Variants in ADAMTS9 observed in about 807,000 individuals in gnomAD.
The protein encoded by ADAMTS9 is ADAM metallopeptidase with thrombospondin type 1 motif 9.
ADAMTS9 carries 107 observed loss-of-function variants against 257.1 expected under a neutral mutation model. The observed-to-expected ratio is 0.42, with a 90% confidence interval of 0.36 to 0.49. The LOEUF is 0.49. Among genes scored for constraint, ADAMTS9 ranks in the 20% least tolerant of loss-of-function variants. ADAMTS9 has a pLI of 0.03. For synonymous variants in ADAMTS9, 982 were observed against 880.9 expected, an observed-to-expected ratio of 1.11 and a Z score of -2.03; for missense variants, 2,353 against 2,469.1, an observed-to-expected ratio of 0.95 and a Z score of 1.00.
intron 9 of ADAMTS9, chr3:64,650,025 G>A (rs1700892900): frequency 2.4e-6 from 1 of 418,134 alleles, no homozygotes. Context: ...TTACAACGTT[G>A]ATCACACTTC....
At position 64,568,305 on chromosome 3, in the gene ADAMTS9, C is replaced by T. The variant is rs561362188; in HGVS notation, c.4524+63G>A. The T allele has an allele frequency of 2.2e-5, 34 of 1,546,418 alleles. No homozygotes were observed. In the African/African-American group the frequency reaches 4.6e-4, roughly 21 times the overall value. The stretch of plus-strand genomic sequence containing the variant: ...CCGTGCATAGAAACACAAGTGAACA[C>T]ACTGGGGTCAGCCACGTGGCCAAAC... On this transcript the variant is annotated intron_variant, in intron 29 of 39. Coordinates refer to ENST00000498707, the MANE Select transcript of ADAMTS9 (RefSeq NM_182920.2).
At chr3:64,623,025 T>C (rs1700145070) in intron 16 of ADAMTS9, among the ~76,000 whole-genome samples, 1 of 152,216 alleles carries the variant, frequency 6.6e-6, no homozygotes. Context: ...GCCTGTTGAA[T>C]CTTTGTTAAG....
rs1701755915 is a variant in ADAMTS9 at position 64,681,494 on chromosome 3, C to A, written c.517-131G>T. The A allele has an allele frequency of 5.8e-6, 5 of 864,308 alleles. No homozygotes were observed. The South Asian group carries it at 8.2e-5, about 14-fold the overall frequency. 53.5% of individuals were successfully genotyped at this position (864,308 alleles called of 1,614,324 possible). On this transcript the variant is annotated intron_variant, in intron 2 of 39. Coordinates refer to ENST00000498707, the MANE Select transcript of ADAMTS9 (RefSeq NM_182920.2). Reference sequence around the variant, plus strand: ...CTCTTTTTCAGGAGGGTTGTTTCAACTGAAAATGCTGCAACATATGCGGAG... The same window carrying A: ...CTCTTTTTCAGGAGGGTTGTTTCAAATGAAAATGCTGCAACATATGCGGAG...
At chr3:64,663,642 C>A (rs184358306) in intron 3 of ADAMTS9, among the ~76,000 whole-genome samples, 41 of 152,114 alleles carry the variant, frequency 2.7e-4, no homozygotes, top group Admixed American at 2.4e-3. Context: ...CAATTTCTAC[C>A]AGCAAACAAC....
intron 13 of ADAMTS9, 41 bp downstream of exon 13, chr3:64,633,657 C>G: frequency 1.2e-5 from 19 of 1,613,762 alleles, no homozygotes; most frequent in Non-Finnish European, 1.4e-5. Context: ...GGCCTCAGTG[C>G]CGGCCGGCCA....
Position 64,605,895 on chromosome 3 carries a change from A to T in ADAMTS9, c.3474+1065T>A, listed in dbSNP as rs2084548815. On this transcript the variant is annotated intron_variant, in intron 23 of 39. Transcript: ENST00000498707. ...ATTTTGAAATAACAATAAAATATAC[A>T]ATTATATATTTTAAATTCCATACAG... 2.0e-5 allele frequency among the ~76,000 whole-genome samples: 3 copies of T among 152,352 alleles called. No homozygotes were observed. In the South Asian group the frequency reaches 6.2e-4, roughly 32 times the overall value.
At chr3:64,533,888 C>A (rs1019550064) in intron 37 of ADAMTS9, among the ~76,000 whole-genome samples, 5 of 152,208 alleles carry the variant, frequency 3.3e-5, no homozygotes, top group Non-Finnish European at 7.3e-5. Flanking sequence ...AAACCCCTCC[C>A]CTCCGAGGGT....
intron 37 of ADAMTS9, among the ~76,000 whole-genome samples, chr3:64,535,751 A>C (rs762021527): frequency 6.6e-6 from 1 of 151,648 alleles, no homozygotes; most frequent in Non-Finnish European, 1.5e-5. Flanking sequence ...GAGTTTCACC[A>C]TGTTGGCCAG....
At chr3:64,653,435 A>G (rs1700980843) in intron 8 of ADAMTS9, among the ~76,000 whole-genome samples, 1 of 152,202 alleles carries the variant, frequency 6.6e-6, no homozygotes, top group South Asian at 2.1e-4. Flanking sequence ...TTTGAAAGGT[A>G]CTAGTTTAAA....
chr3:64,651,914 C>T (rs143204201), intron 8 of ADAMTS9, among the ~76,000 whole-genome samples: 18 of 152,280 alleles, frequency 1.2e-4, no homozygotes, highest in African/African-American at 2.6e-4. Flanking sequence ...GGATTGCCAA[C>T]GTCCTTATGG....
At chr3:64,670,024 C>G (rs1701447826) in intron 3 of ADAMTS9, among the ~76,000 whole-genome samples, 1 of 152,176 alleles carries the variant, frequency 6.6e-6, no homozygotes, top group South Asian at 2.1e-4. Flanking sequence ...AGAATGGAAG[C>G]TTTCAGGATT....
rs1167008544 is a variant in ADAMTS9, at chr3:64,516,970, GATATGTAT to G, written c.*149_*156del. The G allele has an allele frequency of 1.3e-5, 2 of 152,370 alleles. No homozygotes were observed. The highest frequency in any genetic ancestry group is 2.9e-5 in the Non-Finnish European group (2 of 68,006). The allele number at this position is 152,370 out of a possible 1,614,324, so 9.4% of individuals were successfully genotyped here. A position where few individuals can be genotyped will look rare whatever the true frequency, so the allele number is the denominator to read the frequency against. On this transcript the variant is annotated 3_prime_UTR_variant, in exon 40 of 40. Transcript: ENST00000498707. ...ATATATGTGTATATATGTATGTGTA[GATATGTAT>G]ATATGTATATGTACACACATTTACA...
chr3:64,556,631 TTC>T (rs1381160877), intron 30 of ADAMTS9, among the ~76,000 whole-genome samples: 1 of 152,208 alleles, frequency 6.6e-6, no homozygotes, highest in Non-Finnish European at 1.5e-5. Flanking sequence ...TGCTTGACTG[TTC>T]TAAAAGTCAT....
Position 64,550,959 on chromosome 3 carries a change from G to A in ADAMTS9, c.4802C>T (p.Pro1601Leu), listed in dbSNP as rs771051773. The change falls in exon 31 of 40, where the codon CCG (proline) becomes CTG (leucine). Residue 1601 changes from proline to leucine, a missense_variant. Around this residue, in one of 3 missense-constraint regions of ADAMTS9, gnomAD observed 1,402 missense variants for 1,441.4 expected, o/e 0.97. Transcript: ENST00000498707. ...HGARCDVSKRPVDRESCSLQP... is the reference protein window; with the variant it reads ...HGARCDVSKRLVDRESCSLQP... ...CAAACTACAGCTTTCACGGTCCACC[G>A]GCCGCTTGCTCACGTCACAGCGTGC... 2.3e-5 allele frequency: 37 copies of A among 1,614,018 alleles called. No individual in the cohort carries two copies. Among genetic ancestry groups the A allele is most frequent in the South Asian group, 4.4e-5 (4 of 91,082 alleles).
intron 12 of ADAMTS9, among the ~76,000 whole-genome samples, chr3:64,637,047 T>C (rs923427460): frequency 6.6e-6 from 1 of 152,148 alleles, no homozygotes; most frequent in African/African-American, 2.4e-5. Flanking sequence ...ATATCAAAAG[T>C]TGGTCTGCAA....
intron 11 of ADAMTS9, among the ~76,000 whole-genome samples, chr3:64,647,613 A>G (rs1168760800): frequency 1.3e-5 from 2 of 152,244 alleles, no homozygotes; most frequent in Non-Finnish European, 2.9e-5. Context: ...AAAAGAGAAG[A>G]AAAAGAAACA....
intron 30 of ADAMTS9, 135 bp from the exon 31 acceptor site, chr3:64,551,197 G>A (rs1396815654): frequency 8.1e-6 from 8 of 991,382 alleles, no homozygotes; most frequent in Admixed American, 3.0e-5. Flanking sequence ...AGAACTTCTC[G>A]TTTTTTTGTT....
chr3:64,656,886 A>G (rs1701088285), intron 4 of ADAMTS9, among the ~76,000 whole-genome samples: 1 of 152,138 alleles, frequency 6.6e-6, no homozygotes, highest in Non-Finnish European at 1.5e-5. Flanking sequence ...ATGCCCAAAC[A>G]GGATTGCTTT....
At chr3:64,543,039 A>G (rs1420106125) in intron 32 of ADAMTS9, among the ~76,000 whole-genome samples, 2 of 152,240 alleles carry the variant, frequency 1.3e-5, no homozygotes, top group African/African-American at 4.8e-5. Context: ...ATTCCTGGAC[A>G]CATACACCCT....
Sources: gnomAD v4.1 joint callset for allele counts (sites outside exome capture counted in the v4.1 genomes callset) on GRCh38, gnomAD v4.1.1 for gene constraint, gnomAD v4.1.1 regional missense constraint, MANE v1.5 for transcripts, NCBI Gene and HGNC (gene_info 2026-07-23, HGNC 2026-07-21) for gene names.